ZBTB44: variants seen among roughly 807,000 people sequenced by gnomAD.
The protein encoded by ZBTB44 is zinc finger and BTB domain containing 44.
A neutral mutation model predicts 54.0 loss-of-function variants in ZBTB44; 15 were observed. That is an observed-to-expected ratio of 0.28 (90% CI 0.19 to 0.43). The LOEUF (loss-of-function observed/expected upper bound fraction) is 0.43. Among genes scored for constraint, ZBTB44 ranks in the 20% least tolerant of loss-of-function variants. ZBTB44 has a pLI of 1.00. For missense variants in ZBTB44, 487 were observed against 707.1 expected (o/e 0.69, Z 3.53); for synonymous variants, 230 against 250.1 (o/e 0.92, Z 0.76).
intron 2 of ZBTB44, among the ~76,000 whole-genome samples, chr11:130,241,846 G>A (rs1480995509): frequency 2.0e-5 from 3 of 152,074 alleles, no homozygotes; most frequent in Admixed American, 2.0e-4. Context: ...TTGACTTTGT[G>A]ACCGAATGTC....
chr11:130,263,681 A>G (rs1939042510), intron 1 of ZBTB44, among the ~76,000 whole-genome samples: 1 of 152,250 alleles, frequency 6.6e-6, no homozygotes, highest in African/African-American at 2.4e-5. Context: ...GCACAAGGGC[A>G]CCTTATACAA....
chr11:130,271,160 T>C (rs760100455), intron 1 of ZBTB44, among the ~76,000 whole-genome samples: 9 of 152,208 alleles, frequency 5.9e-5, no homozygotes, highest in South Asian at 4.1e-4. Flanking sequence ...CTGGTTTTGC[T>C]ATATAAAATG....
chr11:130,259,185 G>C (rs1938664008), intron 2 of ZBTB44, among the ~76,000 whole-genome samples: 1 of 152,120 alleles, frequency 6.6e-6, no homozygotes, highest in Non-Finnish European at 1.5e-5. Flanking sequence ...TCCCCATCAA[G>C]TTACCATTGA....
At chr11:130,270,164 T>A (rs1565666127) in intron 1 of ZBTB44, among the ~76,000 whole-genome samples, 4 of 152,318 alleles carry the variant, frequency 2.6e-5, no homozygotes, top group Non-Finnish European at 5.9e-5. Context: ...TTTGAAAGAA[T>A]GTATCTATTT....
chr11:130,288,488 G>A (rs1042656803), intron 1 of ZBTB44, among the ~76,000 whole-genome samples: 2 of 152,264 alleles, frequency 1.3e-5, no homozygotes, highest in African/African-American at 4.8e-5. Flanking sequence ...GGCAAGTAGT[G>A]TCTTAAAACA....
At chr11:130,291,526 A>G (rs1592047491) in intron 1 of ZBTB44, among the ~76,000 whole-genome samples, 1 of 152,222 alleles carries the variant, frequency 6.6e-6, no homozygotes, top group East Asian at 1.9e-4. Context: ...TGAGAAAAAT[A>G]AAGATTAGAG....
At chr11:130,236,651 A>T in intron 5 of ZBTB44, 142 bp downstream of exon 5, 1 of 823,904 alleles carries the variant, frequency 1.2e-6, no homozygotes, top group Non-Finnish European at 1.7e-6. Flanking sequence ...TCAGGAGATT[A>T]GAGTATGAAC....
intron 2 of ZBTB44, among the ~76,000 whole-genome samples, chr11:130,255,814 A>G (rs891330493): frequency 2.6e-5 from 4 of 151,622 alleles, no homozygotes; most frequent in Non-Finnish European, 1.5e-5. Context: ...ATTCCTGGAC[A>G]TATACACCCT....
At chr11:130,279,623 C>A (rs1049206481) in intron 1 of ZBTB44, among the ~76,000 whole-genome samples, 4 of 152,210 alleles carry the variant, frequency 2.6e-5, no homozygotes, top group Admixed American at 2.6e-4. Context: ...CATGCCACTG[C>A]ACTTCAGCCT....
At chr11:130,301,554 C>T (rs1941989623) in intron 1 of ZBTB44, among the ~76,000 whole-genome samples, 1 of 152,056 alleles carries the variant, frequency 6.6e-6, no homozygotes, top group African/African-American at 2.4e-5. Context: ...GTCCCAGCTA[C>T]TTGGGAGGCT....
chr11:130,290,115 T>C (rs1941214477), intron 1 of ZBTB44, among the ~76,000 whole-genome samples: 1 of 152,158 alleles, frequency 6.6e-6, no homozygotes, highest in African/African-American at 2.4e-5. Context: ...GTCACAAGTC[T>C]CCTTATACAA....
intron 1 of ZBTB44, among the ~76,000 whole-genome samples, chr11:130,313,959 TATATATA>T (rs757747834): frequency 0.015 from 2,221 of 149,096 alleles, 25 homozygotes; most frequent in Non-Finnish European, 0.022. Flanking sequence ...TATATATATA[TATATATA>T]TTTTTTTAAA....
chr11:130,253,235 A>T (rs1187841902), intron 2 of ZBTB44, among the ~76,000 whole-genome samples: 1 of 152,210 alleles, frequency 6.6e-6, no homozygotes, highest in African/African-American at 2.4e-5. Context: ...AGGCAGGAGA[A>T]AGAAATAAAG....
chr11:130,246,832 T>A (rs2136329587), intron 2 of ZBTB44, among the ~76,000 whole-genome samples: 1 of 152,282 alleles, frequency 6.6e-6, no homozygotes, highest in African/African-American at 2.4e-5. Context: ...ATAAACAGTC[T>A]CACAAAACAA....
At chr11:130,233,203 C>T (rs188581433) in intron 7 of ZBTB44, 105 bp downstream of exon 7, 64 of 1,441,120 alleles carry the variant, frequency 4.4e-5, no homozygotes, top group East Asian at 4.2e-4. Context: ...AAAACTGATC[C>T]GGGCAATGAC....
chr11:130,314,220 G>A (rs1414592505), intron 1 of ZBTB44, among the ~76,000 whole-genome samples, 155 bp downstream of exon 1: 2 of 152,164 alleles, frequency 1.3e-5, no homozygotes, highest in Non-Finnish European at 2.9e-5. Context: ...TGCCACCGAG[G>A]GGATCCCGTG....
At chr11:130,281,492 C>T (rs532021851) in intron 1 of ZBTB44, among the ~76,000 whole-genome samples, 1 of 150,560 alleles carries the variant, frequency 6.6e-6, no homozygotes, top group Admixed American at 6.6e-5. Flanking sequence ...TGCACTCTAG[C>T]CTGGGCAACA....
chr11:130,282,411 G>A (rs1453750632), intron 1 of ZBTB44, among the ~76,000 whole-genome samples: 1 of 152,092 alleles, frequency 6.6e-6, no homozygotes, highest in African/African-American at 2.4e-5. Context: ...TTTGTTTCTG[G>A]CTTATTTCAC....
chr11:130,237,722 G>A (rs185636290), intron 4 of ZBTB44, among the ~76,000 whole-genome samples: 67 of 152,210 alleles, frequency 4.4e-4, no homozygotes, highest in African/African-American at 1.5e-3. Context: ...CACAGTCTAC[G>A]GATTGAACAA....
Sources: allele counts gnomAD v4.1 joint callset (sites outside exome capture counted in the v4.1 genomes callset), GRCh38; gene constraint gnomAD v4.1.1; transcripts MANE v1.5; gene names NCBI Gene and HGNC (gene_info 2026-07-23, HGNC 2026-07-21).